The following IFTAP variants were observed in gnomAD, a reference collection of about 807,000 sequenced individuals.
IFTAP encodes intraflagellar transport-associated protein.
A neutral mutation model predicts 19.4 loss-of-function variants in IFTAP; 19 were observed. That is an observed-to-expected ratio of 0.98 (90% confidence interval 0.68 to 1.44). The LOEUF (loss-of-function observed/expected upper bound fraction) is 1.44, where lower values mean the gene tolerates loss of function less well. IFTAP is among the 40% of genes most tolerant of loss of function. IFTAP has a pLI of 0.00. For synonymous variants in IFTAP, 85 were observed against 83.5 expected (o/e 1.02, Z -0.10); for missense variants, 240 against 253.6 (o/e 0.95, Z 0.36).
chr11:36,611,392 T>TA lies in IFTAP; in HGVS notation c.136+1160dup, dbSNP rs201364906. 7.4e-3 allele frequency among the ~76,000 whole-genome samples: 1,129 copies of TA among 152,026 alleles called. 12 individuals carry two copies. Among genetic ancestry groups the TA allele is most frequent in the African/African-American group, 0.026 (1,063 of 41,458 alleles). On this transcript the variant is annotated intron_variant, in intron 2 of 5. Coordinates refer to ENST00000334307, the MANE Select transcript of IFTAP (RefSeq NM_138787.4). The stretch of plus-strand genomic sequence containing the variant: ...TAGGATCAAGGGATTCGTATTTTAT[T>TA]AAAAAAACCTCCTCTGGTGCTTCTA...
intron 4 of IFTAP, among the ~76,000 whole-genome samples, chr11:36,637,513 A>G (rs1407792578): frequency 6.6e-6 from 1 of 152,134 alleles, no homozygotes; most frequent in Non-Finnish European, 1.5e-5. Context: ...CTACATTTGT[A>G]GAGGAAGCAC....
At chr11:36,601,614 G>C (rs1258141414) in intron 1 of IFTAP, among the ~76,000 whole-genome samples, 1 of 152,090 alleles carries the variant, frequency 6.6e-6, no homozygotes, top group Non-Finnish European at 1.5e-5. Flanking sequence ...AGAAGGAAAG[G>C]AGTTAGGAGT....
intron 1 of IFTAP, among the ~76,000 whole-genome samples, chr11:36,595,554 G>A (rs1337111111): frequency 3.3e-5 from 5 of 152,348 alleles, no homozygotes; most frequent in African/African-American, 1.2e-4. Flanking sequence ...TGTGGACTCT[G>A]AATGCTTACT....
At chr11:36,607,669 C>CT (rs1256210781) in intron 1 of IFTAP, among the ~76,000 whole-genome samples, 1 of 151,598 alleles carries the variant, frequency 6.6e-6, no homozygotes, top group African/African-American at 2.4e-5. Flanking sequence ...TTGTAATCCC[C>CT]CCTTTTCTTT....
chr11:36,627,982 A>G (rs1018331777), intron 2 of IFTAP, among the ~76,000 whole-genome samples: 1 of 150,824 alleles, frequency 6.6e-6, no homozygotes, highest in Admixed American at 6.6e-5. Context: ...TTTGTTTTAA[A>G]AACAAAAGAG....
rs1323794730 is a variant in IFTAP at position 36,647,805 on chromosome 11, GATAAA to G, written c.359-204_359-200del. On this transcript the variant is annotated intron_variant, in intron 4 of 5. Transcript: ENST00000334307. ...TTGGGGGGACTCTTACGTTTGCAACGATAAAATAAAAATAAATGCACTAATGGCTT... is the reference window on the plus strand; with the variant it reads ...TTGGGGGGACTCTTACGTTTGCAACGATAAAAATAAATGCACTAATGGCTT... 3.3e-5 allele frequency among the ~76,000 whole-genome samples: 5 copies of G among 151,992 alleles called. No homozygotes were observed. In the East Asian group the frequency reaches 9.6e-4, roughly 29 times the overall value.
At chr11:36,658,675 A>G (rs60287310) in intron 5 of IFTAP, among the ~76,000 whole-genome samples, 2,579 of 152,270 alleles carry the variant, frequency 0.017, 63 homozygotes, top group African/African-American at 0.058. Flanking sequence ...ACATTTTAAT[A>G]TAACTGTTGG....
At chr11:36,624,234 C>G (rs1171295339) in intron 2 of IFTAP, among the ~76,000 whole-genome samples, 1 of 152,090 alleles carries the variant, frequency 6.6e-6, no homozygotes, top group Non-Finnish European at 1.5e-5. Context: ...CACCCACACA[C>G]CCACAGTAAA....
chr11:36,646,530 C>G (rs1853490466), intron 4 of IFTAP, among the ~76,000 whole-genome samples: 1 of 152,136 alleles, frequency 6.6e-6, no homozygotes, highest in Non-Finnish European at 1.5e-5. Flanking sequence ...CTTAATGTTG[C>G]CTAACCATGC....
At chr11:36,638,144 C>T (rs750372576) in intron 4 of IFTAP, among the ~76,000 whole-genome samples, 21 of 151,970 alleles carry the variant, frequency 1.4e-4, no homozygotes, top group Admixed American at 3.3e-4. Flanking sequence ...GGCCACACCC[C>T]GCCCCACCGC....
chr11:36,600,152 T>C (rs182199445), intron 1 of IFTAP, among the ~76,000 whole-genome samples: 135 of 152,328 alleles, frequency 8.9e-4, no homozygotes, highest in African/African-American at 2.3e-3. Flanking sequence ...GTTCCTGATC[T>C]CCAAAAGTCC....
At chr11:36,596,917 T>TC (rs1403022155) in intron 1 of IFTAP, among the ~76,000 whole-genome samples, 1 of 152,188 alleles carries the variant, frequency 6.6e-6, no homozygotes, top group East Asian at 1.9e-4. Flanking sequence ...AGGAGGATTG[T>TC]CCATTTTTGT....
chr11:36,646,405 T>C (rs556855818), intron 4 of IFTAP, among the ~76,000 whole-genome samples: 24 of 152,140 alleles, frequency 1.6e-4, no homozygotes, highest in Admixed American at 4.6e-4. Flanking sequence ...GGACGCTCAG[T>C]GAGGGAGTTT....
chr11:36,636,944 A>G (rs1852978951), intron 4 of IFTAP, among the ~76,000 whole-genome samples: 1 of 150,198 alleles, frequency 6.7e-6, no homozygotes, highest in Admixed American at 6.6e-5. Context: ...TTTTTTTTAA[A>G]CACTCATTCC....
At chr11:36,619,502 A>G (rs1274748317) in intron 2 of IFTAP, among the ~76,000 whole-genome samples, 1 of 152,098 alleles carries the variant, frequency 6.6e-6, no homozygotes, top group Admixed American at 6.6e-5. Context: ...ATTTCAGAGC[A>G]GGAAAGGAAT....
At chr11:36,617,187 A>T (rs1565012087) in intron 2 of IFTAP, among the ~76,000 whole-genome samples, 1 of 149,324 alleles carries the variant, frequency 6.7e-6, no homozygotes, top group African/African-American at 2.4e-5. Context: ...TTTTATTTGT[A>T]TATTTATTTG....
At chr11:36,611,672 T>G (rs1851879987) in intron 2 of IFTAP, among the ~76,000 whole-genome samples, 1 of 152,144 alleles carries the variant, frequency 6.6e-6, no homozygotes, top group Non-Finnish European at 1.5e-5. Flanking sequence ...TGTTTACACT[T>G]AAACAAAAAA....
intron 2 of IFTAP, among the ~76,000 whole-genome samples, chr11:36,613,710 G>A (rs998114796): frequency 1.3e-5 from 2 of 152,030 alleles, no homozygotes; most frequent in African/African-American, 2.4e-5. Flanking sequence ...AAGACATTAA[G>A]TAGAACCAGG....
chr11:36,650,802 G>C (rs924382470), intron 5 of IFTAP, among the ~76,000 whole-genome samples: 1 of 151,790 alleles, frequency 6.6e-6, no homozygotes, highest in Non-Finnish European at 1.5e-5. Context: ...GAGAACATGC[G>C]GTGTTTGGTT....
Sources: allele counts gnomAD v4.1 joint callset (sites outside exome capture counted in the v4.1 genomes callset), GRCh38; gene constraint gnomAD v4.1.1; transcripts MANE v1.5; gene names NCBI Gene and HGNC (gene_info 2026-07-23, HGNC 2026-07-21).